The following TAB2 variants were observed in gnomAD, a reference collection of about 807,000 sequenced individuals.
The protein encoded by TAB2 is TGF-beta activated kinase 1 (MAP3K7) binding protein 2.
Under a neutral mutation model 65.0 loss-of-function variants are expected in TAB2, and 3 were observed. That is an observed-to-expected ratio of 0.05 (90% CI 0.02 to 0.12). The LOEUF (loss-of-function observed/expected upper bound fraction) is 0.12. Ranked by LOEUF, TAB2 falls within the 10% of genes least tolerant of loss-of-function variation. The pLI is 1.00. For synonymous variants in TAB2, 298 were observed against 285.1 expected, an observed-to-expected ratio of 1.05 and a Z score of -0.46; for missense variants, 623 against 840.3, an observed-to-expected ratio of 0.74 and a Z score of 3.20.
chr6:149,253,952 GAAAGAAAA>G (rs1309941159), intron 1 of TAB2, among the ~76,000 whole-genome samples: 456 of 93,416 alleles, frequency 4.9e-3, no homozygotes, highest in South Asian at 0.018. Flanking sequence ...GAGAAAGAAA[GAAAGAAAA>G]AGAAAGAAAG....
intron 1 of TAB2, among the ~76,000 whole-genome samples, chr6:149,259,256 C>G (rs779678877): frequency 2.0e-5 from 3 of 151,456 alleles, no homozygotes; most frequent in Non-Finnish European, 4.4e-5. Flanking sequence ...AACTAGAAAG[C>G]CATAAATGGC....
intron 1 of TAB2, among the ~76,000 whole-genome samples, chr6:149,282,621 C>A (rs1340517020): frequency 6.6e-6 from 1 of 152,030 alleles, no homozygotes; most frequent in Non-Finnish European, 1.5e-5. Flanking sequence ...GAAATTAAAT[C>A]AGAAATTAAA....
chr6:149,339,789 G>A (rs1240069822), intron 1 of TAB2, among the ~76,000 whole-genome samples: 3 of 151,742 alleles, frequency 2.0e-5, no homozygotes, highest in Non-Finnish European at 4.4e-5. Flanking sequence ...AGTAGAGACG[G>A]GGTTTTACCA....
At chr6:149,323,457 A>G (rs542940016) in intron 1 of TAB2, among the ~76,000 whole-genome samples, 14 of 152,264 alleles carry the variant, frequency 9.2e-5, no homozygotes, top group South Asian at 2.1e-4. Context: ...GATAATTTCA[A>G]TGAAAGTGTA....
intron 1 of TAB2, among the ~76,000 whole-genome samples, chr6:149,260,496 G>A (rs1778130590): frequency 6.6e-6 from 1 of 152,202 alleles, no homozygotes; most frequent in South Asian, 2.1e-4. Context: ...CCGGAGGAGA[G>A]CTGTTGCAGA....
chr6:149,392,415 A>G (rs1301617262), intron 3 of TAB2, among the ~76,000 whole-genome samples: 2 of 152,184 alleles, frequency 1.3e-5, no homozygotes, highest in Non-Finnish European at 2.9e-5. Context: ...TTCTTCAACT[A>G]TGAGGTGATC....
At chr6:149,402,797 C>T (rs1426482119) in intron 6 of TAB2, among the ~76,000 whole-genome samples, 2 of 152,168 alleles carry the variant, frequency 1.3e-5, no homozygotes, top group Non-Finnish European at 2.9e-5. Flanking sequence ...TGGGGTTTAT[C>T]TCTGGGACTT....
chr6:149,337,597 T>G (rs1408946040), intron 1 of TAB2, among the ~76,000 whole-genome samples: 1 of 152,206 alleles, frequency 6.6e-6, no homozygotes, highest in African/African-American at 2.4e-5. Flanking sequence ...AGGGTCAAAC[T>G]CTTCTTAGCT....
At chr6:149,349,135 T>G (rs1340689285) in intron 1 of TAB2, among the ~76,000 whole-genome samples, 1 of 151,948 alleles carries the variant, frequency 6.6e-6, no homozygotes, top group Non-Finnish European at 1.5e-5. Context: ...TGTAAAGTAG[T>G]CAAGGCTGGG....
chr6:149,411,238 T>C lies in TAB2; in HGVS notation c.*1519T>C, dbSNP rs1320269727. The C allele has an allele frequency of 1.3e-5, 2 of 152,402 alleles. No homozygotes were observed. The highest frequency in any genetic ancestry group is 2.9e-5 in the Non-Finnish European group (2 of 68,028). The allele number at this position is 152,402 out of a possible 1,614,324, so 9.4% of individuals were successfully genotyped here. A position where few individuals can be genotyped will look rare whatever the true frequency, so the allele number is the denominator to read the frequency against. On this transcript the variant is annotated 3_prime_UTR_variant, in exon 7 of 7. Transcript: ENST00000637181. ...ATAGAGCAAAGGATGGAAGATAATA[T>C]AGACTACCACCCACTGTAAATGTTT...
intron 1 of TAB2, among the ~76,000 whole-genome samples, chr6:149,235,994 A>G (rs559127826): frequency 6.6e-6 from 1 of 152,350 alleles, no homozygotes; most frequent in East Asian, 1.9e-4. Flanking sequence ...AAGGCACCCA[A>G]AAAGTGAAAA....
chr6:149,333,322 T>C (rs765548977), intron 1 of TAB2, among the ~76,000 whole-genome samples: 3 of 152,192 alleles, frequency 2.0e-5, no homozygotes, highest in Non-Finnish European at 4.4e-5. Context: ...TTTTGCCTCT[T>C]TTTTCTCTTT....
chr6:149,363,599 T>G (rs1780930278), intron 1 of TAB2, among the ~76,000 whole-genome samples: 1 of 152,158 alleles, frequency 6.6e-6, no homozygotes, highest in South Asian at 2.1e-4. Context: ...TGCTCTTCAG[T>G]TTTTTTGAGG....
At chr6:149,332,846 A>C (rs974646382) in intron 1 of TAB2, among the ~76,000 whole-genome samples, 3 of 152,232 alleles carry the variant, frequency 2.0e-5, no homozygotes, top group Non-Finnish European at 4.4e-5. Context: ...ATGTCTCCTG[A>C]GTCCCACTGT....
chr6:149,328,450 G>A (rs750193943), intron 1 of TAB2, among the ~76,000 whole-genome samples: 21 of 152,130 alleles, frequency 1.4e-4, no homozygotes, highest in African/African-American at 5.1e-4. Context: ...GTGCCACCAC[G>A]CCTGGCTAAT....
intron 2 of TAB2, among the ~76,000 whole-genome samples, chr6:149,373,518 C>T (rs765489951): frequency 6.6e-6 from 1 of 152,158 alleles, no homozygotes; most frequent in Non-Finnish European, 1.5e-5. Flanking sequence ...TTCTTGCGAT[C>T]AGCGATCATA....
intron 1 of TAB2, among the ~76,000 whole-genome samples, chr6:149,358,865 C>T (rs927641782): frequency 1.3e-5 from 2 of 151,884 alleles, no homozygotes; most frequent in Admixed American, 6.6e-5. Context: ...TTGCTATTCT[C>T]TTATCCATCT....
chr6:149,263,446 T>C (rs1261365747), intron 1 of TAB2, among the ~76,000 whole-genome samples: 1 of 152,184 alleles, frequency 6.6e-6, no homozygotes, highest in African/African-American at 2.4e-5. Flanking sequence ...AAACATTATG[T>C]TGATGCTGTT....
At chr6:149,295,293 G>C (rs1166929796) in intron 1 of TAB2, among the ~76,000 whole-genome samples, 2 of 152,080 alleles carry the variant, frequency 1.3e-5, no homozygotes, top group Non-Finnish European at 2.9e-5. Context: ...TTTGTCATTG[G>C]TTTTCTACTG....
Sources: gnomAD v4.1 joint callset for allele counts (sites outside exome capture counted in the v4.1 genomes callset) on GRCh38, gnomAD v4.1.1 for gene constraint, MANE v1.5 for transcripts, NCBI Gene and HGNC (gene_info 2026-07-23, HGNC 2026-07-21) for gene names.